The following CSMD1 variants were observed in gnomAD, a reference collection of about 807,000 sequenced individuals.
CSMD1 encodes the protein CUB and sushi domain-containing protein 1.
Under a neutral mutation model 417.5 loss-of-function variants are expected in CSMD1, and 213 were observed. The observed-to-expected ratio is 0.51, with a 90% CI of 0.46 to 0.57. The LOEUF (loss-of-function observed/expected upper bound fraction) is 0.57, where lower values mean the gene tolerates loss of function less well. Among genes scored for constraint, CSMD1 ranks in the 20% least tolerant of loss-of-function variants. CSMD1 has a pLI of 0.00. For missense variants in CSMD1, 6,923 were observed against 4,529.7 expected, an observed-to-expected ratio of 1.53 and a Z score of -15.17; for synonymous variants, 2,862 against 1,736.8, an observed-to-expected ratio of 1.65 and a Z score of -16.11.
At chr8:3,143,017 C>G (rs780592764) in intron 40 of CSMD1, among the ~76,000 whole-genome samples, 10 of 152,174 alleles carry the variant, frequency 6.6e-5, no homozygotes, top group Non-Finnish European at 1.2e-4. Flanking sequence ...TGTCCGGTGA[C>G]TTTTACAATT....
At chr8:3,809,581 T>C (rs1399502832) in intron 5 of CSMD1, among the ~76,000 whole-genome samples, 1 of 152,160 alleles carries the variant, frequency 6.6e-6, no homozygotes, top group African/African-American at 2.4e-5. Flanking sequence ...TGTGAAAGTG[T>C]AGATAGTTGG....
intron 3 of CSMD1, among the ~76,000 whole-genome samples, chr8:4,164,888 A>ATAT (rs60898286): frequency 6.5e-4 from 97 of 149,484 alleles, no homozygotes; most frequent in Middle Eastern, 3.5e-3. Context: ...AAGAAAAAAA[A>ATAT]AAATATATAT....
At chr8:4,178,133 A>G (rs1186110355) in intron 3 of CSMD1, among the ~76,000 whole-genome samples, 3 of 152,212 alleles carry the variant, frequency 2.0e-5, no homozygotes, top group African/African-American at 7.2e-5. Context: ...ACCAAAAAAG[A>G]GAATTTTAGA....
intron 5 of CSMD1, among the ~76,000 whole-genome samples, chr8:3,799,436 CCTT>C (rs1800342017): frequency 7.7e-6 from 1 of 129,048 alleles, no homozygotes; most frequent in African/African-American, 2.9e-5. Flanking sequence ...GTGATGTTCC[CCTT>C]CTTGTGTCCA....
intron 3 of CSMD1, among the ~76,000 whole-genome samples, chr8:4,384,248 C>CT (rs10682651): frequency 0.082 from 12,249 of 150,212 alleles, 1,389 homozygotes; most frequent in African/African-American, 0.26. Flanking sequence ...AAATTACAGA[C>CT]TTTTTTTTTT....
chr8:4,253,164 A>C (rs761180736), intron 3 of CSMD1, among the ~76,000 whole-genome samples: 6 of 152,190 alleles, frequency 3.9e-5, no homozygotes, highest in Non-Finnish European at 7.3e-5. Context: ...ACTCATTAGG[A>C]AACATTCTAT....
Position 3,118,524 on chromosome 8 carries a change from T to C in CSMD1, c.6305A>G (p.Asp2102Gly), listed in dbSNP as rs757767330. Residue 2102 changes from aspartate (D) to glycine (G), a missense_variant, in exon 42 of 70, where the codon GAT (aspartate) becomes GGT (glycine). Transcript: ENST00000635120. Reference protein sequence around the residue: ...PFQNGYMINSDYSVGQSVSFE... With the variant: ...PFQNGYMINSGYSVGQSVSFE... ...AGATACTGATTGCCCCACGCTGTAATCCGAGTTGATCATGTACCCATTCTG... is the reference window on the plus strand; with the variant it reads ...AGATACTGATTGCCCCACGCTGTAACCCGAGTTGATCATGTACCCATTCTG... 6.2e-7 allele frequency: 1 copy of C among 1,613,950 alleles called. No individual in the cohort carries two copies. The highest frequency in any genetic ancestry group is 2.2e-5 in the East Asian group (1 of 44,864).
chr8:3,061,619 C>A (rs1481034689), intron 49 of CSMD1, among the ~76,000 whole-genome samples: 1 of 152,084 alleles, frequency 6.6e-6, no homozygotes, highest in Non-Finnish European at 1.5e-5. Flanking sequence ...CAGCACCGAT[C>A]CATATACAAT....
intron 26 of CSMD1, among the ~76,000 whole-genome samples, chr8:3,256,309 G>GAAAAAAAAAAAAA (rs61572877): frequency 2.5e-5 from 2 of 81,422 alleles, no homozygotes; most frequent in Admixed American, 2.5e-4. Flanking sequence ...TAAGTCTCAA[G>GAAAAAAAAAAAAA]AAAAAAAAAA....
chr8:4,978,903 A>C (rs1394969105), intron 1 of CSMD1, among the ~76,000 whole-genome samples: 1 of 152,194 alleles, frequency 6.6e-6, no homozygotes, highest in Non-Finnish European at 1.5e-5. Flanking sequence ...GTGCCACTGC[A>C]CTCCAGCCTG....
intron 1 of CSMD1, among the ~76,000 whole-genome samples, chr8:4,907,843 G>C (rs535568253): frequency 6.6e-6 from 1 of 152,012 alleles, no homozygotes; most frequent in Admixed American, 6.6e-5. Flanking sequence ...TGGGATTACA[G>C]ACAATAGCCA....
At chr8:4,791,515 C>A (rs1459862639) in intron 1 of CSMD1, among the ~76,000 whole-genome samples, 1 of 152,116 alleles carries the variant, frequency 6.6e-6, no homozygotes, top group East Asian at 1.9e-4. Flanking sequence ...CAATCCAATC[C>A]CCTAAAGTTG....
At chr8:3,913,457 C>T (rs1035539281) in intron 5 of CSMD1, among the ~76,000 whole-genome samples, 1 of 152,136 alleles carries the variant, frequency 6.6e-6, no homozygotes, top group Admixed American at 6.5e-5. Context: ...ATGTAACCTC[C>T]AGACTGGAAG....
chr8:3,867,927 C>G (rs2129110008), intron 5 of CSMD1, among the ~76,000 whole-genome samples: 1 of 152,200 alleles, frequency 6.6e-6, no homozygotes, highest in East Asian at 1.9e-4. Context: ...TGCCTGGACA[C>G]CCTTACAGCC....
intron 5 of CSMD1, among the ~76,000 whole-genome samples, chr8:3,963,878 A>T (rs1450760996): frequency 6.6e-6 from 1 of 152,234 alleles, no homozygotes; most frequent in African/African-American, 2.4e-5. Flanking sequence ...TATAGATGTT[A>T]ACTGACACTC....
intron 2 of CSMD1, among the ~76,000 whole-genome samples, chr8:4,421,603 A>G (rs1797251520): frequency 6.6e-6 from 1 of 152,130 alleles, no homozygotes; most frequent in Admixed American, 6.6e-5. Flanking sequence ...CCAAAGAGAA[A>G]GTCTCAAGGA....
intron 1 of CSMD1, among the ~76,000 whole-genome samples, chr8:4,803,572 G>C (rs983876937): frequency 1.3e-5 from 2 of 152,102 alleles, no homozygotes; most frequent in Non-Finnish European, 2.9e-5. Flanking sequence ...TTATAAAATC[G>C]AAAGCCAGGA....
intron 2 of CSMD1, among the ~76,000 whole-genome samples, chr8:4,608,296 G>A (rs911274722): frequency 3.9e-5 from 6 of 152,222 alleles, no homozygotes; most frequent in Admixed American, 6.5e-5. Context: ...GGAGGCCCAA[G>A]GGCAAAGTGG....
At chr8:4,618,857 T>C (rs1801621741) in intron 2 of CSMD1, among the ~76,000 whole-genome samples, 1 of 152,150 alleles carries the variant, frequency 6.6e-6, no homozygotes, top group African/African-American at 2.4e-5. Flanking sequence ...ATGTGTGGTA[T>C]ATGAAATACA....
Sources: allele counts gnomAD v4.1 joint callset (sites outside exome capture counted in the v4.1 genomes callset), GRCh38; gene constraint gnomAD v4.1.1; transcripts MANE v1.5; gene names NCBI Gene and HGNC (gene_info 2026-07-23, HGNC 2026-07-21).